TAF12: variants seen among roughly 807,000 people sequenced by gnomAD.
TAF12 encodes the protein TATA-box binding protein associated factor 12.
TAF12 carries 3 observed loss-of-function variants against 20.8 expected under a neutral mutation model. The ratio of observed to expected loss-of-function variants is 0.14; its 90% CI spans 0.07 to 0.37. TAF12 has a LOEUF of 0.37. Ranked by LOEUF, TAF12 falls within the 10% of genes least tolerant of loss-of-function variation. The pLI, the probability that TAF12 is intolerant of heterozygous loss-of-function variation, is 1.00. For synonymous variants in TAF12, 69 were observed against 70.2 expected (o/e 0.98, Z 0.09); for missense variants, 131 against 197.9 (o/e 0.66, Z 2.03).
At chr1:28,634,719 C>T (rs1216278215) in intron 1 of TAF12, among the ~76,000 whole-genome samples, 2 of 150,696 alleles carry the variant, frequency 1.3e-5, no homozygotes, top group African/African-American at 2.4e-5. Context: ...CACCTGAGGT[C>T]GGAAGTTTGA....
In TAF12 at chr1:28,613,330, T is replaced by C. The variant is rs1277009911; in HGVS notation, c.278A>G (p.Glu93Gly). The C allele has an allele frequency of 6.2e-7, 1 of 1,611,578 alleles. No homozygotes were observed. The highest frequency in any genetic ancestry group is 8.5e-7 in the Non-Finnish European group (1 of 1,179,102). ...CTGACAGGCTGCTGTCACCACACTC[T>C]CGATAAAATCATCAGCAATCTGCAG... is the stretch of plus-strand genomic sequence containing the variant. ...MLLQIADDFIESVVTAACQLA... is the reference protein window; with the variant it reads ...MLLQIADDFIGSVVTAACQLA... The change falls in exon 4 of 6, where the codon GAG (glutamate) becomes GGG (glycine). Residue 93 changes from glutamate (E) to glycine (G), a missense_variant. By Grantham distance (98) the Glu-to-Gly change is moderately conservative. Around this residue, in one of 3 missense-constraint regions of TAF12, gnomAD observed 60 missense variants for 90.2 expected, o/e 0.66. Coordinates refer to ENST00000373824, the MANE Select transcript of TAF12 (RefSeq NM_005644.4).
chr1:28,616,150 A>C (rs953355012), intron 3 of TAF12, among the ~76,000 whole-genome samples: 3 of 152,128 alleles, frequency 2.0e-5, no homozygotes, highest in African/African-American at 4.8e-5. Context: ...TAATCCCAGC[A>C]CTGTGGGAGG....
intron 1 of TAF12, among the ~76,000 whole-genome samples, chr1:28,628,228 T>TG (rs760486849): frequency 0.1 from 391 of 3,866 alleles, 83 homozygotes; most frequent in South Asian, 0.2. Context: ...GTGCAGGGGG[T>TG]GGGGGGGGGG....
At chr1:28,639,107 C>T (rs1207879897) in intron 1 of TAF12, among the ~76,000 whole-genome samples, 2 of 151,706 alleles carry the variant, frequency 1.3e-5, no homozygotes, top group South Asian at 2.1e-4. Flanking sequence ...CAGAATCTTG[C>T]TCTATTGCCC....
At chr1:28,611,791 G>A (rs547810573) in intron 4 of TAF12, among the ~76,000 whole-genome samples, 37 of 152,104 alleles carry the variant, frequency 2.4e-4, no homozygotes, top group Non-Finnish European at 4.3e-4. Flanking sequence ...CAAGTTTATG[G>A]TATTTTGTTA....
intron 1 of TAF12, among the ~76,000 whole-genome samples, chr1:28,636,560 C>T (rs956013416): frequency 2.1e-5 from 3 of 145,580 alleles, no homozygotes; most frequent in Non-Finnish European, 4.5e-5. Flanking sequence ...GCAGGCTGAG[C>T]GGGAGGATCA....
chr1:28,634,599 T>A (rs1224515132), intron 1 of TAF12, among the ~76,000 whole-genome samples: 3 of 151,914 alleles, frequency 2.0e-5, no homozygotes, highest in African/African-American at 7.3e-5. Context: ...AGTAATTCTA[T>A]CAAAACACGA....
intron 4 of TAF12, among the ~76,000 whole-genome samples, chr1:28,605,920 T>C (rs1459844174): frequency 6.6e-6 from 1 of 152,190 alleles, no homozygotes; most frequent in African/African-American, 2.4e-5. Flanking sequence ...ACAGGCTCAT[T>C]TGCCAGGTTC....
intron 4 of TAF12, among the ~76,000 whole-genome samples, chr1:28,607,762 C>T (rs1666716308): frequency 1.3e-5 from 2 of 151,936 alleles, no homozygotes; most frequent in African/African-American, 4.8e-5. Flanking sequence ...ATCACTTGAG[C>T]CCAGGAGGTA....
At chr1:28,635,368 C>T (rs1667789294) in intron 1 of TAF12, among the ~76,000 whole-genome samples, 1 of 136,238 alleles carries the variant, frequency 7.3e-6, no homozygotes, top group Non-Finnish European at 1.5e-5. Flanking sequence ...TGCAGTGGCG[C>T]AATCTTGGCT....
intron 4 of TAF12, 83 bp downstream of exon 4, chr1:28,613,164 G>T: frequency 8.6e-7 from 1 of 1,159,062 alleles, no homozygotes; most frequent in Non-Finnish European, 1.2e-6. Context: ...GTTCTGGCAT[G>T]AAGGTTCCTC....
chr1:28,637,326 G>A (rs1220477709), intron 1 of TAF12, among the ~76,000 whole-genome samples: 6 of 151,474 alleles, frequency 4.0e-5, no homozygotes, highest in East Asian at 2.0e-4. Flanking sequence ...TGCAACCTCC[G>A]CCTCTGGCCA....
intron 5 of TAF12, 137 bp downstream of exon 5, chr1:28,605,235 C>A: frequency 1.2e-6 from 1 of 817,768 alleles, no homozygotes; most frequent in Admixed American, 2.3e-5. Context: ...CTTGCCCTCT[C>A]TGACCCTTGC....
intron 3 of TAF12, among the ~76,000 whole-genome samples, chr1:28,616,049 C>G (rs1284121094): frequency 6.6e-6 from 1 of 152,116 alleles, no homozygotes; most frequent in Admixed American, 6.6e-5. Flanking sequence ...TATTACTGGG[C>G]CAAATCCATC....
chr1:28,612,364 C>G (rs1253415028), intron 4 of TAF12, among the ~76,000 whole-genome samples: 1 of 151,308 alleles, frequency 6.6e-6, no homozygotes, highest in Non-Finnish European at 1.5e-5. Flanking sequence ...GCAGGAGAAT[C>G]GCTTGAACCC....
intron 1 of TAF12, among the ~76,000 whole-genome samples, chr1:28,626,267 C>T (rs943602481): frequency 2.0e-5 from 3 of 151,806 alleles, no homozygotes; most frequent in Non-Finnish European, 2.9e-5. Flanking sequence ...TATGAACCAC[C>T]GCGCCCGGCC....
upstream of TAF12, among the ~76,000 whole-genome samples, chr1:28,645,625 G>A (rs1407465400): frequency 4.0e-5 from 6 of 151,334 alleles, no homozygotes; most frequent in African/African-American, 9.7e-5. Flanking sequence ...TCCAGCCTGC[G>A]TGACGGGAGC....
intron 5 of TAF12, among the ~76,000 whole-genome samples, chr1:28,604,609 G>A (rs1465290102): frequency 2.6e-5 from 4 of 152,196 alleles, no homozygotes; most frequent in South Asian, 4.1e-4. Flanking sequence ...CAGGAAACTG[G>A]TGGCTTCCCT....
At chr1:28,609,539 T>G (rs1666784121) in intron 4 of TAF12, among the ~76,000 whole-genome samples, 1 of 151,992 alleles carries the variant, frequency 6.6e-6, no homozygotes, top group Non-Finnish European at 1.5e-5. Flanking sequence ...CAGGCTGGAG[T>G]GCAGTGGTGT....
Sources: gnomAD v4.1 joint callset for allele counts (sites outside exome capture counted in the v4.1 genomes callset) on GRCh38, gnomAD v4.1.1 for gene constraint, gnomAD v4.1.1 regional missense constraint, MANE v1.5 for transcripts, NCBI Gene and HGNC (gene_info 2026-07-23, HGNC 2026-07-21) for gene names.